Variants in SUGCT observed in about 807,000 individuals in gnomAD.
The protein encoded by SUGCT is succinyl-CoA:glutarate-CoA transferase.
SUGCT carries 41 observed loss-of-function variants against 55.0 expected under a neutral mutation model. That is an observed-to-expected ratio of 0.74 (90% CI 0.58 to 0.97). The LOEUF is 0.97. Ranked by LOEUF, SUGCT falls within the 50% of genes least tolerant of loss-of-function variation. SUGCT has a pLI of 0.00. For synonymous variants in SUGCT, 187 were observed against 200.4 expected (o/e 0.93, Z 0.56); for missense variants, 568 against 547.8 (o/e 1.04, Z -0.37).
In SUGCT at chr7:40,399,625, T is replaced by C. The variant is rs910176934; in HGVS notation, c.817-49662T>C. ...GGAATTGTTTCTCCTTGGGTCTTATTAGCCTGATTTGGTTCATGTGTCCGT... is the reference window on the plus strand; with the variant it reads ...GGAATTGTTTCTCCTTGGGTCTTATCAGCCTGATTTGGTTCATGTGTCCGT... On this transcript the variant is annotated intron_variant, in intron 9 of 13. Transcript: ENST00000335693. Among the ~76,000 whole-genome samples the C allele has an allele frequency of 2.0e-5, 3 of 152,238 alleles. No homozygotes were observed. In the East Asian group the frequency reaches 5.8e-4, roughly 29 times the overall value.
At chr7:40,558,976 G>GA (rs555772822) in intron 12 of SUGCT, among the ~76,000 whole-genome samples, 1 of 151,690 alleles carries the variant, frequency 6.6e-6, no homozygotes, top group Non-Finnish European at 1.5e-5. Context: ...TAAGAACAGA[G>GA]AAAAAAAATG....
At chr7:40,385,147 A>G (rs1785054922) in intron 9 of SUGCT, among the ~76,000 whole-genome samples, 1 of 152,238 alleles carries the variant, frequency 6.6e-6, no homozygotes, top group Admixed American at 6.5e-5. Context: ...GCTAGAATCC[A>G]TCATGGCCAC....
intron 9 of SUGCT, among the ~76,000 whole-genome samples, chr7:40,377,218 T>TTTC (rs1325478023): frequency 7.1e-4 from 5 of 7,070 alleles, no homozygotes; most frequent in African/African-American, 1.2e-3. Context: ...CTTTTCTTTC[T>TTTC]TTTCTTTCTT....
chr7:40,316,636 G>A (rs1795446262), intron 8 of SUGCT, 124 bp from the exon 9 acceptor site: 1 of 590,156 alleles, frequency 1.7e-6, no homozygotes, highest in South Asian at 2.8e-5. Context: ...TTTCTAACTT[G>A]ATGGACAGGT....
chr7:40,307,776 G>A (rs976721143), intron 8 of SUGCT, among the ~76,000 whole-genome samples: 4 of 150,008 alleles, frequency 2.7e-5, no homozygotes, highest in African/African-American at 9.8e-5. Flanking sequence ...ATGTACTCTG[G>A]AGTCTTTTTT....
chr7:40,503,245 A>G (rs1268414370), intron 12 of SUGCT, among the ~76,000 whole-genome samples: 2 of 152,180 alleles, frequency 1.3e-5, no homozygotes, highest in African/African-American at 2.4e-5. Flanking sequence ...AACACTGAAT[A>G]TTGTTAAGGT....
chr7:40,297,822 C>T (rs1192623603), intron 8 of SUGCT, among the ~76,000 whole-genome samples: 2 of 152,086 alleles, frequency 1.3e-5, no homozygotes, highest in Admixed American at 1.3e-4. Flanking sequence ...GTCCTATATA[C>T]ATGAAGGATG....
At chr7:40,923,693 T>A in the SUGCT span, among the ~76,000 whole-genome samples, 1 of 152,182 alleles carries the variant, frequency 6.6e-6, no homozygotes, top group Non-Finnish European at 1.5e-5. Context: ...CAATATTGCC[T>A]ACATCCTTGG....
At chr7:40,859,196 A>G (rs1250710121) in intron 13 of SUGCT, among the ~76,000 whole-genome samples, 1 of 152,218 alleles carries the variant, frequency 6.6e-6, no homozygotes, top group Admixed American at 6.5e-5. Context: ...CAACATAAAT[A>G]CCACTTACTG....
chr7:40,701,895 T>C (rs926458371), intron 12 of SUGCT, among the ~76,000 whole-genome samples: 1 of 152,212 alleles, frequency 6.6e-6, no homozygotes, highest in African/African-American at 2.4e-5. Context: ...CTCTAAAAAC[T>C]TAGCCTCAGA....
intron 11 of SUGCT, among the ~76,000 whole-genome samples, chr7:40,486,771 G>A (rs1791382031): frequency 6.8e-6 from 1 of 147,838 alleles, no homozygotes; most frequent in African/African-American, 2.5e-5. Context: ...TGTTGTCCAG[G>A]CTAGAATGCA....
chr7:40,489,234 G>A (rs1208328291), intron 11 of SUGCT, among the ~76,000 whole-genome samples: 1 of 141,978 alleles, frequency 7.0e-6, no homozygotes, highest in Non-Finnish European at 1.5e-5. Context: ...TTTTTTTAAT[G>A]TTCTCTATTG....
At chr7:40,303,964 A>G (rs969360224) in intron 8 of SUGCT, among the ~76,000 whole-genome samples, 3 of 151,718 alleles carry the variant, frequency 2.0e-5, no homozygotes, top group Admixed American at 6.6e-5. Flanking sequence ...GAAATCGGCT[A>G]ATTGAACTCG....
chr7:40,284,269 A>G (rs1266374589), intron 8 of SUGCT, among the ~76,000 whole-genome samples: 4 of 152,174 alleles, frequency 2.6e-5, no homozygotes, highest in East Asian at 1.9e-4. Flanking sequence ...TAAATTTCGT[A>G]AGAGATTAGA....
chr7:40,604,194 C>T (rs568209520), intron 12 of SUGCT, among the ~76,000 whole-genome samples: 3 of 152,108 alleles, frequency 2.0e-5, no homozygotes. Flanking sequence ...TGAGTGTTCG[C>T]CCGAGGCCCT....
chr7:40,201,669 G>T (rs1045533642), intron 6 of SUGCT, among the ~76,000 whole-genome samples: 2 of 152,114 alleles, frequency 1.3e-5, no homozygotes, highest in African/African-American at 4.8e-5. Flanking sequence ...TAAATATAGG[G>T]TTTCAAAACA....
chr7:40,226,984 A>T (rs1344735688), intron 6 of SUGCT, among the ~76,000 whole-genome samples: 1 of 151,390 alleles, frequency 6.6e-6, no homozygotes, highest in Non-Finnish European at 1.5e-5. Context: ...TAATTTTTTT[A>T]ACATCTTATT....
intron 7 of SUGCT, among the ~76,000 whole-genome samples, chr7:40,267,938 A>G (rs547997353): frequency 6.6e-6 from 1 of 152,332 alleles, no homozygotes; most frequent in African/African-American, 2.4e-5. Context: ...TGACTGAAAT[A>G]AAACTTCATT....
Position 40,200,770 on chromosome 7 carries a change from C to G in SUGCT, c.484+5710C>G, listed in dbSNP as rs545874636. ...AAAAAAAAGAGGTAGAATTCAATTC[C>G]TGGTTGACTGACTTCATTATAGGCA... On this transcript the variant is annotated intron_variant, in intron 6 of 13. Coordinates refer to ENST00000335693, the MANE Select transcript of SUGCT (RefSeq NM_001193313.2). Among the ~76,000 whole-genome samples, 102 of 152,056 alleles carry G rather than the reference C, an allele frequency of 6.7e-4. 2 individuals carry two copies. The South Asian group carries it at 9.1e-3, about 14-fold the overall frequency.
Sources: gnomAD v4.1 joint callset for allele counts (sites outside exome capture counted in the v4.1 genomes callset) on GRCh38, gnomAD v4.1.1 for gene constraint, MANE v1.5 for transcripts, NCBI Gene and HGNC (gene_info 2026-07-23, HGNC 2026-07-21) for gene names.